The following ADGRL3 variants were observed in gnomAD, a reference collection of about 807,000 sequenced individuals.
ADGRL3 encodes calcium-independent alpha-latrotoxin receptor 3.
In ADGRL3, 62 loss-of-function variants were observed where a neutral mutation model predicts 153.5. That is an observed-to-expected ratio of 0.40 (90% CI 0.33 to 0.50). ADGRL3 has a LOEUF of 0.50. Ranked by LOEUF, ADGRL3 falls within the 20% of genes least tolerant of loss-of-function variation. The pLI, the probability that ADGRL3 is intolerant of heterozygous loss-of-function variation, is 0.47. For synonymous variants in ADGRL3, 710 were observed against 672.5 expected, an observed-to-expected ratio of 1.06 and a Z score of -0.86; for missense variants, 1,641 against 1,859.4, an observed-to-expected ratio of 0.88 and a Z score of 2.16.
chr4:61,748,749 T>TA (rs892334305), intron 8 of ADGRL3, among the ~76,000 whole-genome samples: 9 of 152,086 alleles, frequency 5.9e-5, no homozygotes, highest in Admixed American at 2.0e-4. Flanking sequence ...CCTAAAATCA[T>TA]AAAAACCCTA....
At chr4:61,842,313 G>T (rs2098044906) in intron 9 of ADGRL3, among the ~76,000 whole-genome samples, 1 of 152,016 alleles carries the variant, frequency 6.6e-6, no homozygotes, top group Non-Finnish European at 1.5e-5. Context: ...TTTGTTTCCT[G>T]TAGATTTTTC....
rs779974726 is a variant in ADGRL3, at chr4:61,979,633, G to A, written c.2876G>A (p.Cys959Tyr). The A allele has an allele frequency of 6.2e-7, 1 of 1,613,844 alleles. No homozygotes were observed. Among genetic ancestry groups the A allele is most frequent in the Non-Finnish European group, 8.5e-7 (1 of 1,179,862 alleles). The change falls in exon 18 of 27, where the codon TGT becomes TAT. Residue 959 changes from cysteine to tyrosine, a missense_variant. Cys to Tyr is a radical substitution (Grantham distance 194). Around this residue, in one of 5 missense-constraint regions of ADGRL3, gnomAD observed 734 missense variants for 797.0 expected, o/e 0.92. Transcript: ENST00000683033. ...GTTGGAATTTTGCTGTCCCTTGTTT[G>A]TCTCCTGATTTGCATCTTCACATTT... ...TWVGILLSLV[C>Y]LLICIFTFCF...
chr4:61,254,226 C>G (rs2091748772), intron 1 of ADGRL3, among the ~76,000 whole-genome samples: 1 of 152,108 alleles, frequency 6.6e-6, no homozygotes, highest in African/African-American at 2.4e-5. Context: ...CAATTCACTT[C>G]CATCTTCTAG....
chr4:61,866,241 A>G (rs548429103), intron 9 of ADGRL3, among the ~76,000 whole-genome samples: 1 of 152,284 alleles, frequency 6.6e-6, no homozygotes, highest in Admixed American at 6.5e-5. Flanking sequence ...CGGCAAACGT[A>G]CTAAGCTTCC....
intron 13 of ADGRL3, among the ~76,000 whole-genome samples, chr4:61,924,993 A>G (rs1402773192): frequency 1.3e-5 from 2 of 152,194 alleles, no homozygotes; most frequent in Non-Finnish European, 2.9e-5. Context: ...AGATTCTAGA[A>G]CAGTGTTGGC....
intron 5 of ADGRL3, among the ~76,000 whole-genome samples, chr4:61,646,631 C>T (rs1181263304): frequency 2.6e-5 from 4 of 151,988 alleles, no homozygotes; most frequent in African/African-American, 4.8e-5. Flanking sequence ...GCAGTCTGCC[C>T]GTTCTCAGAT....
intron 1 of ADGRL3, among the ~76,000 whole-genome samples, chr4:61,278,116 A>G (rs927570720): frequency 1.3e-5 from 2 of 152,180 alleles, no homozygotes; most frequent in Non-Finnish European, 2.9e-5. Flanking sequence ...AAATTGTTCA[A>G]CTGAGACACA....
intron 13 of ADGRL3, among the ~76,000 whole-genome samples, chr4:61,929,028 C>T (rs1056963873): frequency 2.6e-5 from 4 of 152,052 alleles, no homozygotes; most frequent in Non-Finnish European, 4.4e-5. Flanking sequence ...ATAGATAATT[C>T]TGTTAAAGAT....
At chr4:61,628,684 G>C (rs1410336839) in intron 5 of ADGRL3, among the ~76,000 whole-genome samples, 1 of 152,048 alleles carries the variant, frequency 6.6e-6, no homozygotes, top group Admixed American at 6.6e-5. Context: ...ATTACTCTTA[G>C]CATTTTTTTC....
At chr4:62,017,227 A>G (rs1355118337) in intron 21 of ADGRL3, among the ~76,000 whole-genome samples, 1 of 152,042 alleles carries the variant, frequency 6.6e-6, no homozygotes, top group Non-Finnish European at 1.5e-5. Flanking sequence ...AGCAGGTCCC[A>G]GGATAACCTA....
At chr4:61,258,094 C>T (rs1046444281) in intron 1 of ADGRL3, among the ~76,000 whole-genome samples, 1 of 152,182 alleles carries the variant, frequency 6.6e-6, no homozygotes, top group Non-Finnish European at 1.5e-5. Context: ...CTATCCCCCC[C>T]AGACTAAATA....
In ADGRL3 at chr4:61,567,840, A is replaced by G. The variant is rs190488482; in HGVS notation, c.260-19387A>G. ...CTCAATTTGTACTATTATCAGATTA[A>G]CTGGCCCATTATTAAGAAGAAAAAA... On this transcript the variant is annotated intron_variant, in intron 4 of 26. Coordinates refer to ENST00000683033, the MANE Select transcript of ADGRL3 (RefSeq NM_001387552.1). 1.1e-3 allele frequency among the ~76,000 whole-genome samples: 169 copies of G among 152,322 alleles called. 1 individual carries two copies. Among genetic ancestry groups the G allele is most frequent in the African/African-American group, 3.8e-3 (159 of 41,580 alleles).
intron 8 of ADGRL3, among the ~76,000 whole-genome samples, chr4:61,767,323 G>A (rs977525916): frequency 1.3e-5 from 2 of 150,868 alleles, no homozygotes; most frequent in African/African-American, 2.5e-5. Flanking sequence ...GCTTAAAAGA[G>A]TATTGTCTAA....
intron 4 of ADGRL3, among the ~76,000 whole-genome samples, chr4:61,542,020 G>A (rs941803907): frequency 2.0e-5 from 3 of 152,158 alleles, no homozygotes; most frequent in African/African-American, 7.2e-5. Flanking sequence ...CTGATTATTA[G>A]AATTAGTTCA....
chr4:62,005,733 A>G (rs533371333), intron 21 of ADGRL3, among the ~76,000 whole-genome samples: 1 of 152,024 alleles, frequency 6.6e-6, no homozygotes, highest in Non-Finnish European at 1.5e-5. Flanking sequence ...GTGAAGAGTA[A>G]GATTTCATAA....
At chr4:62,048,054 G>A (rs1732062493) in intron 25 of ADGRL3, among the ~76,000 whole-genome samples, 1 of 152,054 alleles carries the variant, frequency 6.6e-6, no homozygotes, top group Non-Finnish European at 1.5e-5. Context: ...CTGATACCTT[G>A]AAGGTGTAGT....
chr4:61,723,095 C>T (rs1332389963), intron 6 of ADGRL3, among the ~76,000 whole-genome samples: 1 of 152,180 alleles, frequency 6.6e-6, no homozygotes, highest in Non-Finnish European at 1.5e-5. Flanking sequence ...TTTCTAACTT[C>T]AGCTTCTCTT....
intron 5 of ADGRL3, among the ~76,000 whole-genome samples, chr4:61,665,716 T>C (rs1264731760): frequency 6.6e-6 from 1 of 152,224 alleles, no homozygotes; most frequent in East Asian, 1.9e-4. Context: ...CATTCTGATA[T>C]GAATAGAAAT....
intron 5 of ADGRL3, among the ~76,000 whole-genome samples, chr4:61,667,997 C>T (rs972224411): frequency 3.3e-5 from 5 of 152,086 alleles, no homozygotes; most frequent in Admixed American, 6.5e-5. Flanking sequence ...TGAATAATGA[C>T]CCCCACCCCA....
Sources: gnomAD v4.1 joint callset for allele counts (sites outside exome capture counted in the v4.1 genomes callset) on GRCh38, gnomAD v4.1.1 for gene constraint, gnomAD v4.1.1 regional missense constraint, MANE v1.5 for transcripts, NCBI Gene and HGNC (gene_info 2026-07-23, HGNC 2026-07-21) for gene names.